HECW1: variants seen among roughly 807,000 people sequenced by gnomAD.
HECW1 encodes the protein HECT, C2 and WW domain containing E3 ubiquitin protein ligase 1, also known as E3 ubiquitin-protein ligase HECW1.
In HECW1, 61 loss-of-function variants were observed where a neutral mutation model predicts 182.3. The ratio of observed to expected loss-of-function variants is 0.33; its 90% CI spans 0.27 to 0.41. The LOEUF is 0.41. Ranked by LOEUF, HECW1 falls within the 10% of genes least tolerant of loss-of-function variation. The pLI, the probability that HECW1 is intolerant of heterozygous loss-of-function variation, is 1.00. For missense variants in HECW1, 1,739 were observed against 2,108.9 expected, an observed-to-expected ratio of 0.82 and a Z score of 3.44; for synonymous variants, 859 against 832.6, an observed-to-expected ratio of 1.03 and a Z score of -0.55.
chr7:43,137,448 G>A (rs1027527782), intron 2 of HECW1, among the ~76,000 whole-genome samples: 15 of 152,212 alleles, frequency 9.9e-5, no homozygotes, highest in African/African-American at 2.9e-4. Flanking sequence ...AGTAGATTCC[G>A]CACATTCCAT....
rs561936856 is a variant in HECW1 at position 43,181,789 on chromosome 7, T to G, written c.-31-62086T>G. On this transcript the variant is annotated intron_variant, in intron 2 of 29. Coordinates refer to ENST00000395891, the MANE Select transcript of HECW1 (RefSeq NM_015052.5). Reference sequence around the variant, plus strand: ...TTTTCTCATATTGTTTTTTGTTTGTTTGTTTGTTTTTGTTTTGAGATGGAG... The same window carrying G: ...TTTTCTCATATTGTTTTTTGTTTGTGTGTTTGTTTTTGTTTTGAGATGGAG... Among the ~76,000 whole-genome samples the G allele has an allele frequency of 2.7e-5, 4 of 150,738 alleles. No individual in the cohort carries two copies. The South Asian group carries it at 8.3e-4, about 31-fold the overall frequency.
Position 43,221,537 on chromosome 7 carries a change from G to GTTTTTTTTTTTTTTTTTTTT in HECW1, c.-31-22315_-31-22296dup, listed in dbSNP as rs71008897. ...CTAAACTAAATGTCAGAGGAATTAGGTTTTTTTTTTTTTTTTTTTTTTTTT... is the reference window on the plus strand; with the variant it reads ...CTAAACTAAATGTCAGAGGAATTAGGTTTTTTTTTTTTTTTTTTTTTTTTTTTTTTTTTTTTTTTTTTTTT... On this transcript the variant is annotated intron_variant, in intron 2 of 29. Coordinates refer to ENST00000395891, the MANE Select transcript of HECW1 (RefSeq NM_015052.5). Among the ~76,000 whole-genome samples the GTTTTTTTTTTTTTTTTTTTT allele has an allele frequency of 7.9e-5, 4 of 50,532 alleles. 1 individual carries two copies. Among genetic ancestry groups the GTTTTTTTTTTTTTTTTTTTT allele is most frequent in the East Asian group, 1.6e-3 (2 of 1,238 alleles). 33.2% of individuals were successfully genotyped at this position (50,532 alleles called of 152,430 possible).
chr7:43,549,523 C>T (rs2081712706), intron 26 of HECW1, among the ~76,000 whole-genome samples: 1 of 152,160 alleles, frequency 6.6e-6, no homozygotes, highest in Admixed American at 6.5e-5. Context: ...CTGAAGATTA[C>T]CCCCTTCATA....
At chr7:43,556,346 A>G (rs538942397) in intron 29 of HECW1, among the ~76,000 whole-genome samples, 3 of 152,304 alleles carry the variant, frequency 2.0e-5, no homozygotes, top group Non-Finnish European at 4.4e-5. Flanking sequence ...GCCCGGAGCA[A>G]CATCACAGGG....
At chr7:43,140,775 T>A (rs1166451652) in intron 2 of HECW1, among the ~76,000 whole-genome samples, 8 of 152,142 alleles carry the variant, frequency 5.3e-5, no homozygotes, top group Admixed American at 5.2e-4. Context: ...TTCTCTCAGT[T>A]CTGGAGGCTG....
At chr7:43,324,802 A>G (rs1485423401) in intron 5 of HECW1, among the ~76,000 whole-genome samples, 1 of 152,226 alleles carries the variant, frequency 6.6e-6, no homozygotes, top group South Asian at 2.1e-4. Flanking sequence ...TTAAATTAAC[A>G]TAATAAAATA....
At chr7:43,162,817 A>G (rs1790689386) in intron 2 of HECW1, 1 of 152,258 alleles carries the variant, frequency 6.6e-6, no homozygotes, top group African/African-American at 2.4e-5. Context: ...TAATTTATGG[A>G]GCACTTGTTC....
At position 43,556,128 on chromosome 7, in the gene HECW1, C is replaced by T. The variant is rs1158709768; in HGVS notation, c.4709+1338C>T. On this transcript the variant is annotated intron_variant, in intron 29 of 29. Coordinates refer to ENST00000395891, the MANE Select transcript of HECW1 (RefSeq NM_015052.5). ...AGAGGAGCACAGGGGGTAAGAGCAGCGTGCTGCGAGAGTGTGAAACAGAGC... is the reference window on the plus strand; with the variant it reads ...AGAGGAGCACAGGGGGTAAGAGCAGTGTGCTGCGAGAGTGTGAAACAGAGC... 4.6e-5 allele frequency among the ~76,000 whole-genome samples: 7 copies of T among 152,104 alleles called. No homozygotes were observed. The East Asian group carries it at 9.6e-4, about 21-fold the overall frequency.
chr7:43,495,708 C>G (rs535156468), intron 19 of HECW1, among the ~76,000 whole-genome samples: 55 of 152,320 alleles, frequency 3.6e-4, no homozygotes, highest in African/African-American at 1.3e-3. Context: ...ATTCTCTCCC[C>G]TGGTTTCATT....
At chr7:43,505,216 A>G (rs2079528369) in intron 21 of HECW1, among the ~76,000 whole-genome samples, 1 of 151,508 alleles carries the variant, frequency 6.6e-6, no homozygotes. Context: ...TTCTTTTTCT[A>G]CTCCTCCCCG....
At chr7:43,281,656 G>A (rs1803919212) in intron 3 of HECW1, among the ~76,000 whole-genome samples, 1 of 149,532 alleles carries the variant, frequency 6.7e-6, no homozygotes, top group South Asian at 2.1e-4. Flanking sequence ...GCCTCTTCTA[G>A]CTCTGCCTTC....
chr7:43,450,725 T>C, intron 11 of HECW1, 103 bp from the exon 12 acceptor site: 1 of 731,226 alleles, frequency 1.4e-6, no homozygotes, highest in Non-Finnish European at 2.5e-6. Context: ...TTTCCCACTC[T>C]TTGGGGTTGT....
At chr7:43,463,060 G>C (rs2077642986) in intron 13 of HECW1, among the ~76,000 whole-genome samples, 1 of 152,154 alleles carries the variant, frequency 6.6e-6, no homozygotes, top group Admixed American at 6.5e-5. Flanking sequence ...ACATTGGAAG[G>C]GTTAGGAAAT....
rs190944021 is a variant in HECW1 at position 43,391,182 on chromosome 7, T to C, written c.556-5632T>C. Among the ~76,000 whole-genome samples the C allele has an allele frequency of 2.6e-5, 4 of 152,340 alleles. No individual in the cohort carries two copies. The East Asian group carries it at 7.7e-4, about 29-fold the overall frequency. Reference sequence around the variant, plus strand: ...TTAGTCATAGATTAAAAGAAGTTAATCACTTACATCTTTAGGTGAATGCAC... The same window carrying C: ...TTAGTCATAGATTAAAAGAAGTTAACCACTTACATCTTTAGGTGAATGCAC... On this transcript the variant is annotated intron_variant, in intron 6 of 29. Coordinates refer to ENST00000395891, the MANE Select transcript of HECW1 (RefSeq NM_015052.5).
intron 6 of HECW1, among the ~76,000 whole-genome samples, chr7:43,363,030 A>G (rs1435994869): frequency 6.6e-6 from 1 of 152,232 alleles, no homozygotes; most frequent in East Asian, 1.9e-4. Flanking sequence ...TCTTATTTAA[A>G]TAAAGCTCCC....
chr7:43,475,264 G>C (rs895529805), intron 16 of HECW1, among the ~76,000 whole-genome samples: 1 of 152,156 alleles, frequency 6.6e-6, no homozygotes, highest in Admixed American at 6.5e-5. Flanking sequence ...ATATAGCCAG[G>C]TCACATCCTG....
intron 2 of HECW1, among the ~76,000 whole-genome samples, chr7:43,220,955 T>C (rs1258034556): frequency 6.6e-6 from 1 of 152,184 alleles, no homozygotes; most frequent in Non-Finnish European, 1.5e-5. Flanking sequence ...AGGAAGCCAT[T>C]AGAAATGCAT....
Position 43,387,777 on chromosome 7 carries a change from G to C in HECW1, c.556-9037G>C, listed in dbSNP as rs150374393. Among the ~76,000 whole-genome samples the C allele has an allele frequency of 3.0e-3, 463 of 152,352 alleles. 2 individuals carry two copies. The highest frequency in any genetic ancestry group is 0.011 in the African/African-American group (451 of 41,576). The stretch of plus-strand genomic sequence containing the variant: ...CTGGGCTCTGGCCCCGATTTGTCTG[G>C]TGTGACCAGTTATGTGACCTCGTGG... On this transcript the variant is annotated intron_variant, in intron 6 of 29. Transcript: ENST00000395891.
At chr7:43,538,625 A>T (rs1363304255) in intron 24 of HECW1, among the ~76,000 whole-genome samples, 1 of 152,192 alleles carries the variant, frequency 6.6e-6, no homozygotes, top group Non-Finnish European at 1.5e-5. Context: ...TGTCAGGCAG[A>T]TGTGGGTCAG....
Sources: allele counts gnomAD v4.1 joint callset (sites outside exome capture counted in the v4.1 genomes callset), GRCh38; gene constraint gnomAD v4.1.1; transcripts MANE v1.5; gene names NCBI Gene and HGNC (gene_info 2026-07-23, HGNC 2026-07-21).